The following SPATA6L variants were observed in gnomAD, a reference collection of about 807,000 sequenced individuals.
SPATA6L encodes the protein spermatogenesis associated 6-like protein.
Under a neutral mutation model 49.2 loss-of-function variants are expected in SPATA6L, and 68 were observed. The observed-to-expected ratio is 1.38, with a 90% CI of 1.14 to 1.69. SPATA6L has a LOEUF of 1.69. SPATA6L is among the 40% of genes most tolerant of loss of function. The pLI, the probability that SPATA6L is intolerant of heterozygous loss-of-function variation, is 0.00. For synonymous variants in SPATA6L, 198 were observed against 165.7 expected, an observed-to-expected ratio of 1.19 and a Z score of -1.50; for missense variants, 668 against 464.3, an observed-to-expected ratio of 1.44 and a Z score of -4.03.
At chr9:4,635,133 G>T in intron 4 of SPATA6L, 142 bp downstream of exon 4, 1 of 769,768 alleles carries the variant, frequency 1.3e-6, no homozygotes, top group East Asian at 3.2e-5. Context: ...TTGGTACCTT[G>T]AGTTGGGCAT....
At chr9:4,611,474 A>G (rs1826693853) in intron 9 of SPATA6L, among the ~76,000 whole-genome samples, 1 of 149,550 alleles carries the variant, frequency 6.7e-6, no homozygotes, top group South Asian at 2.1e-4. Context: ...AGCCATAAAA[A>G]ATGATGAGTT....
intron 9 of SPATA6L, among the ~76,000 whole-genome samples, chr9:4,605,957 C>G (rs569317671): frequency 7.2e-5 from 11 of 152,258 alleles, no homozygotes; most frequent in African/African-American, 2.2e-4. Context: ...TGTGCGCGCA[C>G]CGTGCGCGAG....
chr9:4,628,591 C>T (rs62543892), intron 5 of SPATA6L: 4,033 of 154,962 alleles, frequency 0.026, 87 homozygotes, highest in Middle Eastern at 0.087. Context: ...GGACTACAGG[C>T]GCACGCCACC....
chr9:4,610,235 A>G (rs1366432301), intron 9 of SPATA6L, among the ~76,000 whole-genome samples: 1 of 150,480 alleles, frequency 6.6e-6, no homozygotes, highest in Non-Finnish European at 1.5e-5. Context: ...GGTAATTTAC[A>G]GATTCAATGC....
intron 3 of SPATA6L, among the ~76,000 whole-genome samples, chr9:4,643,227 C>T (rs1314690100): frequency 1.3e-5 from 2 of 152,162 alleles, no homozygotes; most frequent in African/African-American, 4.8e-5. Flanking sequence ...AGGTTGGTCT[C>T]AAACTCCTGA....
chr9:4,625,560 T>C lies in SPATA6L; in HGVS notation c.436A>G (p.Arg146Gly), dbSNP rs1428767585. The C allele has an allele frequency of 2.6e-6, 4 of 1,521,730 alleles. No individual in the cohort carries two copies. In the African/African-American group the frequency reaches 4.2e-5, roughly 16 times the overall value. The allele number at this position is 1,521,730 out of a possible 1,614,324, so 94.3% of individuals were successfully genotyped here. ...FLHRNRFLEE[R>G]HESRRPLSTS... ...GATAAAGGCCTCCGTGACTCATGTC[T>C]TTCTTCCTGAAATAAACAAAAAAAG... Residue 146 changes from arginine to glycine, a missense_variant, in exon 6 of 12, where the codon AGA (arginine) becomes GGA (glycine). Physicochemically the swap from Arg to Gly is moderately radical, Grantham distance 125. Coordinates refer to ENST00000682582, the MANE Select transcript of SPATA6L (RefSeq NM_001353486.2).
At position 4,617,963 on chromosome 9, in the gene SPATA6L, T is replaced by C. The variant is rs757502549; in HGVS notation, c.955A>G (p.Thr319Ala). The part of the protein sequence containing the change: ...KASFATYQHS[T>A]SPGPLDQPLL... ...GGCTGATCCAAGGGGCCAGGAGAGG[T>C]GGAATGCTGGTAGGTGGCAAATGAA... is the stretch of plus-strand genomic sequence containing the variant. Residue 319 changes from threonine (T) to alanine (A), a missense_variant, in exon 9 of 12, where the codon ACC (threonine) becomes GCC (alanine). By Grantham distance (58) the Thr-to-Ala change is moderately conservative (BLOSUM62 0). Transcript: ENST00000682582. 8.1e-6 allele frequency: 13 copies of C among 1,613,744 alleles called. No individual in the cohort carries two copies. Among genetic ancestry groups the C allele is most frequent in the Non-Finnish European group, 1.0e-5 (12 of 1,179,900 alleles).
chr9:4,645,297 A>G (rs1348280022), intron 3 of SPATA6L, among the ~76,000 whole-genome samples: 1 of 152,220 alleles, frequency 6.6e-6, no homozygotes, highest in African/African-American at 2.4e-5. Flanking sequence ...ATAACATCCA[A>G]AAAGTAGAAA....
intron 9 of SPATA6L, among the ~76,000 whole-genome samples, chr9:4,614,460 A>G (rs371784679): frequency 4.6e-5 from 7 of 152,174 alleles, no homozygotes; most frequent in African/African-American, 1.4e-4. Flanking sequence ...TGGTATGAAA[A>G]GAACACTGAG....
rs1258375285 is a variant in SPATA6L, at chr9:4,662,640, G to A, written c.40-604C>T. 3 of 1,598,920 alleles carry A rather than the reference G, an allele frequency of 1.9e-6. No homozygotes were observed. The highest frequency in any genetic ancestry group is 2.7e-5 in the African/African-American group (2 of 74,902). On this transcript the variant is annotated intron_variant, in intron 1 of 11. Transcript: ENST00000682582. This position sits in a 1 kb window ranked among gnomAD's most constrained non-coding sequence, Gnocchi z 4.9. ...GTCGCCCGCGCCTCCGCTGCCCGAGGAGGACCGCATGGACTTGAACCCGTC... is the reference window on the plus strand; with the variant it reads ...GTCGCCCGCGCCTCCGCTGCCCGAGAAGGACCGCATGGACTTGAACCCGTC...
At position 4,605,366 on chromosome 9, in the gene SPATA6L, G is replaced by C. The variant is rs1431190759; in HGVS notation, c.1070C>G (p.Ala357Gly). The C allele has an allele frequency of 1.2e-6, 2 of 1,613,958 alleles. No individual in the cohort carries two copies. The highest frequency in any genetic ancestry group is 1.7e-6 in the Non-Finnish European group (2 of 1,179,824). The change falls in exon 10 of 12, where the codon GCA becomes GGA. Residue 357 changes from alanine (A) to glycine (G), a missense_variant. Ala to Gly is a moderately conservative substitution (Grantham distance 60, BLOSUM62 0). Transcript: ENST00000682582. ...TCTAACCTTGTTTTGGTGCAGCTGT[G>C]CTCTGTGGGATGTCAGAAGACTGCA... is the stretch of plus-strand genomic sequence containing the variant. ...RVCSLLTSHR[A>G]QLHQNKEDST...
intron 5 of SPATA6L, chr9:4,627,442 G>C (rs1459068092): frequency 5.2e-6 from 1 of 193,740 alleles, no homozygotes; most frequent in African/African-American, 2.4e-5. Context: ...TTCTCATTAA[G>C]TATTCTGTAA....
downstream of SPATA6L, among the ~76,000 whole-genome samples, chr9:4,597,319 T>C (rs990666293): frequency 6.9e-6 from 1 of 143,910 alleles, no homozygotes; most frequent in Non-Finnish European, 1.5e-5. Context: ...GAAAACAAAA[T>C]ACACACACAC....
intron 3 of SPATA6L, among the ~76,000 whole-genome samples, chr9:4,649,766 A>G (rs778309423): frequency 6.6e-6 from 1 of 152,242 alleles, no homozygotes; most frequent in Admixed American, 6.5e-5. Flanking sequence ...GAAATCATTA[A>G]TGAGTGACCT....
chr9:4,621,637 T>C (rs954402071), intron 7 of SPATA6L, among the ~76,000 whole-genome samples: 2 of 152,080 alleles, frequency 1.3e-5, no homozygotes, highest in African/African-American at 2.4e-5. Context: ...TACAGGCATG[T>C]GCCACCACGC....
chr9:4,628,251 A>G (rs1460917583), intron 5 of SPATA6L: 1 of 182,970 alleles, frequency 5.5e-6, no homozygotes, highest in Non-Finnish European at 1.2e-5. Flanking sequence ...TAACTAAAAG[A>G]ATATAATTGG....
intron 9 of SPATA6L, among the ~76,000 whole-genome samples, chr9:4,615,318 G>A (rs543043719): frequency 6.6e-6 from 1 of 152,260 alleles, no homozygotes; most frequent in East Asian, 1.9e-4. Flanking sequence ...TCAGAGATCA[G>A]GAGAAATGTC....
intron 3 of SPATA6L, chr9:4,646,547 G>T: frequency 6.8e-7 from 1 of 1,469,804 alleles, no homozygotes; most frequent in Non-Finnish European, 9.0e-7. Flanking sequence ...GAAAAAATGA[G>T]ATTTTAATAC....
At chr9:4,615,532 G>A (rs569568063) in intron 9 of SPATA6L, among the ~76,000 whole-genome samples, 2 of 152,310 alleles carry the variant, frequency 1.3e-5, no homozygotes, top group Admixed American at 1.3e-4. Flanking sequence ...AGGAAAGGCT[G>A]GCTGAATGAA....
Sources: allele counts gnomAD v4.1 joint callset (sites outside exome capture counted in the v4.1 genomes callset), GRCh38; gene constraint gnomAD v4.1.1; non-coding constraint Gnocchi (gnomAD v3.1); transcripts MANE v1.5; gene names NCBI Gene and HGNC (gene_info 2026-07-23, HGNC 2026-07-21).